UST: variants seen among roughly 807,000 people sequenced by gnomAD.
UST encodes the protein uronyl 2-sulfotransferase.
UST carries 21 observed loss-of-function variants against 45.6 expected under a neutral mutation model. The observed-to-expected ratio is 0.46, with a 90% CI of 0.33 to 0.66. The LOEUF is 0.66. Among genes scored for constraint, UST ranks in the 30% least tolerant of loss-of-function variants. The pLI is 0.02. For synonymous variants in UST, 215 were observed against 200.6 expected, an observed-to-expected ratio of 1.07 and a Z score of -0.61; for missense variants, 463 against 512.4, an observed-to-expected ratio of 0.90 and a Z score of 0.93.
chr6:148,828,563 G>A (rs536837607), intron 1 of UST, among the ~76,000 whole-genome samples: 42 of 152,224 alleles, frequency 2.8e-4, no homozygotes, highest in African/African-American at 9.9e-4. Context: ...AAAATTCTTG[G>A]CTCTCACTTT....
chr6:149,070,915 A>G (rs550430260), intron 7 of UST, among the ~76,000 whole-genome samples: 190 of 151,478 alleles, frequency 1.3e-3, no homozygotes, highest in Admixed American at 2.0e-3. Context: ...CTACAGGTGC[A>G]TGCCACCACG....
At chr6:148,765,207 C>T (rs1425909295) in intron 1 of UST, among the ~76,000 whole-genome samples, 1 of 152,162 alleles carries the variant, frequency 6.6e-6, no homozygotes, top group Non-Finnish European at 1.5e-5. Flanking sequence ...TTCAGCACCA[C>T]TTATTGAATA....
At position 148,991,064 on chromosome 6, in the gene UST, C is replaced by T. The variant is rs139644248; in HGVS notation, c.681+26501C>T. 5.4e-3 allele frequency among the ~76,000 whole-genome samples: 829 copies of T among 152,286 alleles called. 12 individuals carry two copies. Among genetic ancestry groups the T allele is most frequent in the African/African-American group, 0.019 (775 of 41,558 alleles). ...AAACAGACAGATAATTAATATATATCAGGTGGTGACCGAAAGCTAAGAAAA... is the reference window on the plus strand; with the variant it reads ...AAACAGACAGATAATTAATATATATTAGGTGGTGACCGAAAGCTAAGAAAA... On this transcript the variant is annotated intron_variant, in intron 5 of 7. Coordinates refer to ENST00000367463, the MANE Select transcript of UST (RefSeq NM_005715.3).
chr6:148,996,574 T>C (rs369542510), intron 5 of UST, among the ~76,000 whole-genome samples: 47 of 152,360 alleles, frequency 3.1e-4, no homozygotes, highest in South Asian at 4.1e-4. Context: ...ACTCTTTCTC[T>C]TGTGTGTCTA....
chr6:148,898,191 T>A (rs535832437), intron 2 of UST, among the ~76,000 whole-genome samples: 1 of 152,360 alleles, frequency 6.6e-6, no homozygotes, highest in Admixed American at 6.5e-5. Flanking sequence ...CTGATGAACA[T>A]GACCTTGAAA....
intron 4 of UST, chr6:148,956,169 A>C (rs1780495845): frequency 6.6e-6 from 1 of 152,232 alleles, no homozygotes; most frequent in South Asian, 2.1e-4. Context: ...AAACAAGGAC[A>C]GTTCTCAGTC....
chr6:148,808,017 T>A (rs1777183012), intron 1 of UST, among the ~76,000 whole-genome samples: 1 of 152,114 alleles, frequency 6.6e-6, no homozygotes, highest in Non-Finnish European at 1.5e-5. Context: ...CAGAAGCCGG[T>A]GGGGAAGCCA....
intron 7 of UST, among the ~76,000 whole-genome samples, chr6:149,036,524 C>T (rs1271761796): frequency 6.6e-6 from 1 of 152,178 alleles, no homozygotes; most frequent in Non-Finnish European, 1.5e-5. Flanking sequence ...AAAGGACAGG[C>T]ATTGAAGGCA....
chr6:148,987,427 G>C (rs569218995), intron 5 of UST, among the ~76,000 whole-genome samples: 1 of 152,238 alleles, frequency 6.6e-6, no homozygotes, highest in African/African-American at 2.4e-5. Flanking sequence ...GCCCTACATG[G>C]CCCTGAGACT....
chr6:148,873,579 G>T (rs999513761), intron 1 of UST, among the ~76,000 whole-genome samples: 2 of 152,288 alleles, frequency 1.3e-5, no homozygotes, highest in South Asian at 2.1e-4. Context: ...CAAGCCTGCC[G>T]TGGCTCCCAG....
At chr6:149,053,473 G>A (rs1441012395) in intron 7 of UST, among the ~76,000 whole-genome samples, 3 of 152,164 alleles carry the variant, frequency 2.0e-5, no homozygotes, top group Non-Finnish European at 2.9e-5. Context: ...TGTCTTCTAT[G>A]TTCCTCTTTG....
At chr6:148,931,292 T>C (rs1057087838) in intron 2 of UST, among the ~76,000 whole-genome samples, 6 of 152,192 alleles carry the variant, frequency 3.9e-5, no homozygotes, top group Non-Finnish European at 5.9e-5. Flanking sequence ...AGGATAAATA[T>C]AGAGAAATGA....
intron 4 of UST, among the ~76,000 whole-genome samples, chr6:148,956,404 C>T (rs540636749): frequency 4.6e-5 from 7 of 152,176 alleles, no homozygotes; most frequent in Admixed American, 3.3e-4. Flanking sequence ...GATGCAAAAG[C>T]GGAAATCCCT....
intron 1 of UST, among the ~76,000 whole-genome samples, chr6:148,787,474 G>C (rs550186657): frequency 2.7e-3 from 418 of 152,070 alleles, no homozygotes; most frequent in Non-Finnish European, 4.5e-3. Context: ...GTTTTTTTCA[G>C]GTTTGTCTCA....
At chr6:148,820,442 G>A (rs1208620032) in intron 1 of UST, among the ~76,000 whole-genome samples, 14 of 152,062 alleles carry the variant, frequency 9.2e-5, no homozygotes, top group Admixed American at 9.2e-4. Context: ...CTAAAAATCT[G>A]TTTTCTAAAA....
At chr6:148,964,902 T>A (rs963824458) in intron 5 of UST, among the ~76,000 whole-genome samples, 1 of 152,182 alleles carries the variant, frequency 6.6e-6, no homozygotes, top group Non-Finnish European at 1.5e-5. Flanking sequence ...GGGGGGTGTC[T>A]GTTAGAGGGC....
chr6:148,858,151 C>T (rs1390704491), intron 1 of UST, among the ~76,000 whole-genome samples: 1 of 152,124 alleles, frequency 6.6e-6, no homozygotes, highest in African/African-American at 2.4e-5. Context: ...AGTATTGACT[C>T]ACACGATCAC....
At chr6:149,045,755 A>T (rs1254579544) in intron 7 of UST, among the ~76,000 whole-genome samples, 1 of 151,618 alleles carries the variant, frequency 6.6e-6, no homozygotes, top group East Asian at 1.9e-4. Flanking sequence ...GAGCAAGGCA[A>T]CCCCCTTCTA....
chr6:149,055,088 A>C (rs1327390160), intron 7 of UST, among the ~76,000 whole-genome samples: 1 of 152,080 alleles, frequency 6.6e-6, no homozygotes, highest in African/African-American at 2.4e-5. Flanking sequence ...AGGTTACCTC[A>C]GCATAGACCA....
Sources: gnomAD v4.1 joint callset for allele counts (sites outside exome capture counted in the v4.1 genomes callset) on GRCh38, gnomAD v4.1.1 for gene constraint, MANE v1.5 for transcripts, NCBI Gene and HGNC (gene_info 2026-07-23, HGNC 2026-07-21) for gene names.